GRB10: variants seen among roughly 807,000 people sequenced by gnomAD.
The protein encoded by GRB10 is growth factor receptor-bound protein 10.
GRB10 carries 20 observed loss-of-function variants against 80.9 expected under a neutral mutation model. The observed-to-expected ratio is 0.25, with a 90% CI of 0.17 to 0.36. The LOEUF is 0.36. GRB10 is among the 10% of genes least tolerant of loss of function. The pLI, the probability that GRB10 is intolerant of heterozygous loss-of-function variation, is 1.00. For missense variants in GRB10, 548 were observed against 747.7 expected (o/e 0.73, Z 3.12); for synonymous variants, 291 against 291.5 (o/e 1.00, Z 0.02).
intron 3 of GRB10, among the ~76,000 whole-genome samples, chr7:50,742,579 C>G (rs1563677411): frequency 6.6e-6 from 1 of 152,100 alleles, no homozygotes; most frequent in East Asian, 1.9e-4. Flanking sequence ...GGGGTGTGGT[C>G]CCATAACATG....
chr7:50,683,885 C>T (rs890906096), intron 5 of GRB10, among the ~76,000 whole-genome samples: 1 of 152,084 alleles, frequency 6.6e-6, no homozygotes, highest in Non-Finnish European at 1.5e-5. Flanking sequence ...CCAGGTGATG[C>T]CAAGCAGATT....
At chr7:50,664,246 A>G (rs1040645158) in intron 7 of GRB10, among the ~76,000 whole-genome samples, 1 of 152,124 alleles carries the variant, frequency 6.6e-6, no homozygotes, top group African/African-American at 2.4e-5. Flanking sequence ...GCCCCCCTAC[A>G]GGGTATCGTA....
chr7:50,763,596 A>T (rs946847676), intron 2 of GRB10, among the ~76,000 whole-genome samples: 1 of 152,212 alleles, frequency 6.6e-6, no homozygotes, highest in Non-Finnish European at 1.5e-5. Context: ...AGACAGAAAA[A>T]CTGGAAGCAA....
chr7:50,783,634 C>T (rs146287006), upstream of GRB10, among the ~76,000 whole-genome samples: 82 of 152,182 alleles, frequency 5.4e-4, no homozygotes, highest in African/African-American at 1.7e-3. Flanking sequence ...TATTCACTGC[C>T]GTTTACAAGG....
At chr7:50,675,192 GCTA>G (rs1169528317) in intron 5 of GRB10, among the ~76,000 whole-genome samples, 2 of 152,254 alleles carry the variant, frequency 1.3e-5, no homozygotes, top group Non-Finnish European at 2.9e-5. Context: ...GTGTGTGGCT[GCTA>G]CTACAACACA....
At chr7:50,604,117 G>T in intron 16 of GRB10, 32 bp from the exon 17 acceptor site, 1 of 1,563,452 alleles carries the variant, frequency 6.4e-7, no homozygotes, top group Non-Finnish European at 8.8e-7. Context: ...AGGGTAGGAT[G>T]GTGGTGCCTC....
chr7:50,695,275 G>A (rs1246892981), intron 5 of GRB10, among the ~76,000 whole-genome samples: 1 of 152,138 alleles, frequency 6.6e-6, no homozygotes, highest in African/African-American at 2.4e-5. Context: ...CCAGACTGAT[G>A]TATCAACATC....
intron 4 of GRB10, among the ~76,000 whole-genome samples, chr7:50,731,722 C>G (rs142192999): frequency 6.6e-5 from 10 of 152,334 alleles, no homozygotes; most frequent in Admixed American, 6.5e-4. Context: ...AGTGAAGGAA[C>G]AGAAATGAAC....
chr7:50,742,275 A>G (rs550896384), intron 3 of GRB10, among the ~76,000 whole-genome samples: 636 of 8,148 alleles, frequency 0.078, 3 homozygotes, highest in African/African-American at 0.13. Flanking sequence ...GCGCGCGCAC[A>G]CACACACACA....
chr7:50,627,658 G>C (rs550169608), intron 7 of GRB10, among the ~76,000 whole-genome samples: 1 of 152,242 alleles, frequency 6.6e-6, no homozygotes, highest in Admixed American at 6.5e-5. Flanking sequence ...CAGGCCAAGG[G>C]ATGGAGAAGT....
intron 3 of GRB10, among the ~76,000 whole-genome samples, chr7:50,739,191 T>C (rs1427588863): frequency 6.6e-6 from 1 of 152,190 alleles, no homozygotes; most frequent in Non-Finnish European, 1.5e-5. Context: ...GTTTTTTGTT[T>C]TTCCATGTTA....
intron 4 of GRB10, among the ~76,000 whole-genome samples, chr7:50,720,932 G>C (rs559536357): frequency 6.6e-5 from 10 of 152,276 alleles, no homozygotes; most frequent in African/African-American, 2.4e-4. Context: ...CACAGAAGCT[G>C]CACGGCACCC....
intron 4 of GRB10, among the ~76,000 whole-genome samples, chr7:50,712,414 G>A (rs1270562330): frequency 2.0e-5 from 3 of 152,194 alleles, no homozygotes; most frequent in South Asian, 2.1e-4. Context: ...CAGGTGTCTC[G>A]TATCAAGGAA....
intron 4 of GRB10, chr7:50,710,792 G>A (rs1166540692): frequency 5.5e-6 from 8 of 1,457,194 alleles, no homozygotes; most frequent in Non-Finnish European, 7.7e-6. Flanking sequence ...GGTCACTTCT[G>A]AGGTTCAAAT....
chr7:50,643,042 G>A (rs1383265747), intron 7 of GRB10, among the ~76,000 whole-genome samples: 1 of 152,038 alleles, frequency 6.6e-6, no homozygotes, highest in Admixed American at 6.6e-5. Context: ...TTGACCCTTG[G>A]ACAACACAGG....
intron 5 of GRB10, among the ~76,000 whole-genome samples, chr7:50,685,283 T>G (rs1266311156): frequency 6.6e-6 from 1 of 152,182 alleles, no homozygotes; most frequent in Non-Finnish European, 1.5e-5. Flanking sequence ...TAAGCAACGA[T>G]CTTTGGAAAA....
chr7:50,650,343 G>A (rs74754598), intron 7 of GRB10, among the ~76,000 whole-genome samples: 2 of 152,170 alleles, frequency 1.3e-5, no homozygotes, highest in African/African-American at 4.8e-5. Context: ...GAGAAACCAG[G>A]AGAGGAAAAG....
intron 7 of GRB10, among the ~76,000 whole-genome samples, chr7:50,634,226 G>A (rs2054527777): frequency 6.6e-6 from 1 of 152,124 alleles, no homozygotes; most frequent in South Asian, 2.1e-4. Flanking sequence ...AGAGACTGGG[G>A]GTCTATTTTT....
At chr7:50,641,765 C>G (rs1486960819) in intron 7 of GRB10, among the ~76,000 whole-genome samples, 1 of 152,190 alleles carries the variant, frequency 6.6e-6, no homozygotes, top group Non-Finnish European at 1.5e-5. Context: ...GCAGGACAGT[C>G]AGCTGGTGAC....
Sources: allele counts gnomAD v4.1 joint callset (sites outside exome capture counted in the v4.1 genomes callset), GRCh38; gene constraint gnomAD v4.1.1; transcripts MANE v1.5; gene names NCBI Gene and HGNC (gene_info 2026-07-23, HGNC 2026-07-21).